Variants in EYA1 observed in about 807,000 individuals in gnomAD.
EYA1 encodes protein phosphatase EYA1.
A neutral mutation model predicts 82.0 loss-of-function variants in EYA1; 16 were observed. The observed-to-expected ratio is 0.20, with a 90% CI of 0.13 to 0.30. The LOEUF is 0.30. Among genes scored for constraint, EYA1 ranks in the 10% least tolerant of loss-of-function variants. EYA1 has a pLI of 1.00. For missense variants in EYA1, 633 were observed against 730.7 expected, an observed-to-expected ratio of 0.87 and a Z score of 1.54; for synonymous variants, 261 against 264.4, an observed-to-expected ratio of 0.99 and a Z score of 0.12.
At chr8:71,365,604 T>C (rs1827706874), upstream of EYA1, among the ~76,000 whole-genome samples, 1 of 152,224 alleles carries the variant, frequency 6.6e-6, no homozygotes, top group South Asian at 2.1e-4. Flanking sequence ...AATACTATAC[T>C]TCCAGTCTTC....
At chr8:71,302,753 G>A (rs1820339176) in intron 7 of EYA1, among the ~76,000 whole-genome samples, 1 of 141,680 alleles carries the variant, frequency 7.1e-6, no homozygotes, top group South Asian at 2.3e-4. Context: ...GCCACAGCAG[G>A]GGACTTCTGC....
chr8:71,488,305 T>G (rs978380009), intron 2 of EYA1, among the ~76,000 whole-genome samples: 2 of 151,706 alleles, frequency 1.3e-5, no homozygotes, highest in African/African-American at 4.8e-5. Context: ...GGATAAATGA[T>G]ATAAAGGATA....
At position 71,334,083 on chromosome 8, in the gene EYA1, T is replaced by A. The variant is rs1400216287; in HGVS notation, c.202+14A>T. 6.3e-7 allele frequency: 1 copy of A among 1,599,104 alleles called. No homozygotes were observed. Among genetic ancestry groups the A allele is most frequent in the Admixed American group, 1.7e-5 (1 of 59,968 alleles). ...GCTTGGTGTTGATGTGAAAATCTAA[T>A]ATTTATTCCTTACCTGAACCTGAGA... On this transcript the variant is annotated intron_variant, in intron 4 of 17. Transcript: ENST00000340726.
At chr8:71,399,196 G>A (rs142885788) in intron 2 of EYA1, among the ~76,000 whole-genome samples, 3,772 of 152,134 alleles carry the variant, frequency 0.025, 162 homozygotes, top group African/African-American at 0.084. Flanking sequence ...CGTCTGTCAC[G>A]GCTTCCCTTT....
intron 9 of EYA1, among the ~76,000 whole-genome samples, chr8:71,281,822 A>G (rs1045406898): frequency 6.6e-6 from 1 of 152,210 alleles, no homozygotes; most frequent in South Asian, 2.1e-4. Context: ...TGTGGCTATC[A>G]CAAATTCCTA....
intron 3 of EYA1, 117 bp downstream of exon 3, chr8:71,354,665 G>T: frequency 1.0e-6 from 1 of 994,138 alleles, no homozygotes; most frequent in Non-Finnish European, 1.6e-6. Flanking sequence ...TACCTAAAGG[G>T]GAAATATAAG....
At chr8:71,450,013 G>T (rs1368400827) in intron 2 of EYA1, among the ~76,000 whole-genome samples, 1 of 152,172 alleles carries the variant, frequency 6.6e-6, no homozygotes, top group Non-Finnish European at 1.5e-5. Flanking sequence ...ATTGAAGAGA[G>T]TTAGGGCCTT....
intron 2 of EYA1, among the ~76,000 whole-genome samples, chr8:71,443,724 C>A (rs1294663153): frequency 6.6e-6 from 1 of 152,230 alleles, no homozygotes; most frequent in African/African-American, 2.4e-5. Context: ...AGTGTTTGCC[C>A]TGACATGCCA....
chr8:71,481,647 T>C (rs965443863), intron 2 of EYA1, among the ~76,000 whole-genome samples: 7 of 152,208 alleles, frequency 4.6e-5, no homozygotes, highest in African/African-American at 1.7e-4. Context: ...GAGCTTAATA[T>C]GCAGCTGTAA....
chr8:71,259,468 A>C (rs1814836245), intron 11 of EYA1, among the ~76,000 whole-genome samples: 1 of 152,172 alleles, frequency 6.6e-6, no homozygotes, highest in Non-Finnish European at 1.5e-5. Context: ...AACACGTAAG[A>C]CTCATGAAAG....
At chr8:71,362,155 C>CTTTTTTTTTT (rs35320129), upstream of EYA1, 818 of 822,814 alleles carry the variant, frequency 9.9e-4, no homozygotes, top group East Asian at 5.1e-3. Flanking sequence ...TCGGGGCTTT[C>CTTTTTTTTTT]TTTTTTTTTT....
chr8:71,236,458 C>G (rs1811848055), intron 12 of EYA1, among the ~76,000 whole-genome samples: 1 of 152,136 alleles, frequency 6.6e-6, no homozygotes, highest in Non-Finnish European at 1.5e-5. Context: ...TCCCTATATA[C>G]AATAAATTGT....
chr8:71,369,370 C>A (rs971109295), intron 2 of EYA1, among the ~76,000 whole-genome samples: 1 of 152,122 alleles, frequency 6.6e-6, no homozygotes, highest in Non-Finnish European at 1.5e-5. Context: ...GGCAAGGGTA[C>A]TACTCACCAG....
Position 71,356,492 on chromosome 8 carries a change from C to T in EYA1, c.-35G>A, listed in dbSNP as rs775189824. The stretch of plus-strand genomic sequence containing the variant: ...ACTTGAGGAAACAGCAACATCTGAA[C>T]TGGCTTGAGATGTTTGCACCTGTGA... On this transcript the variant is annotated 5_prime_UTR_variant, in exon 2 of 18. Coordinates refer to ENST00000340726, the MANE Select transcript of EYA1 (RefSeq NM_000503.6). The T allele has an allele frequency of 3.2e-6, 5 of 1,582,178 alleles. No homozygotes were observed. The South Asian group carries it at 5.8e-5, about 18-fold the overall frequency.
At chr8:71,267,592 A>C (rs1240875638) in intron 11 of EYA1, among the ~76,000 whole-genome samples, 1 of 152,224 alleles carries the variant, frequency 6.6e-6, no homozygotes, top group Non-Finnish European at 1.5e-5. Flanking sequence ...TCTGTTGCCC[A>C]GGCTGGAGCA....
At chr8:71,406,178 G>C (rs527540630) in intron 2 of EYA1, among the ~76,000 whole-genome samples, 17 of 152,212 alleles carry the variant, frequency 1.1e-4, no homozygotes, top group Non-Finnish European at 1.9e-4. Flanking sequence ...AATAAATGAA[G>C]ATAAAAGAGA....
chr8:71,369,508 A>G (rs1406597874), intron 2 of EYA1, among the ~76,000 whole-genome samples: 1 of 152,240 alleles, frequency 6.6e-6, no homozygotes, highest in Non-Finnish European at 1.5e-5. Context: ...TAGCTATAAA[A>G]TGGATGCAGT....
chr8:71,319,393 G>T, intron 6 of EYA1, among the ~76,000 whole-genome samples: 1 of 152,162 alleles, frequency 6.6e-6, no homozygotes, highest in East Asian at 1.9e-4. Flanking sequence ...GCCTCCCAAA[G>T]TGCTGGGATT....
intron 2 of EYA1, among the ~76,000 whole-genome samples, chr8:71,459,474 C>T (rs1031749527): frequency 3.9e-5 from 6 of 152,114 alleles, no homozygotes; most frequent in African/African-American, 1.4e-4. Context: ...AAACATCAAC[C>T]TCTGAATGAT....
Sources: allele counts gnomAD v4.1 joint callset (sites outside exome capture counted in the v4.1 genomes callset), GRCh38; gene constraint gnomAD v4.1.1; transcripts MANE v1.5; gene names NCBI Gene and HGNC (gene_info 2026-07-23, HGNC 2026-07-21).